ARID4A: variants seen among roughly 807,000 people sequenced by gnomAD.
ARID4A encodes the protein AT-rich interaction domain 4A.
ARID4A carries 39 observed loss-of-function variants against 148.6 expected under a neutral mutation model. The ratio of observed to expected loss-of-function variants is 0.26; its 90% CI spans 0.20 to 0.34. The LOEUF (loss-of-function observed/expected upper bound fraction) is 0.34. Among genes scored for constraint, ARID4A ranks in the 10% least tolerant of loss-of-function variants. The pLI is 1.00. For synonymous variants in ARID4A, 475 were observed against 481.2 expected (o/e 0.99, Z 0.17); for missense variants, 1,265 against 1,449.1 (o/e 0.87, Z 2.06).
At chr14:58,354,577 G>A (rs2034785772) in intron 17 of ARID4A, among the ~76,000 whole-genome samples, 1 of 151,922 alleles carries the variant, frequency 6.6e-6, no homozygotes, top group African/African-American at 2.4e-5. Flanking sequence ...CAGTTACCCA[G>A]AAGGCTGAGG....
chr14:58,313,892 A>G (rs967815372), intron 5 of ARID4A, among the ~76,000 whole-genome samples: 1 of 152,132 alleles, frequency 6.6e-6, no homozygotes, highest in African/African-American at 2.4e-5. Context: ...CCTCCGGCCA[A>G]TTGGATGGTA....
At chr14:58,358,241 A>G (rs1243182148) in intron 17 of ARID4A, among the ~76,000 whole-genome samples, 3 of 152,022 alleles carry the variant, frequency 2.0e-5, no homozygotes, top group African/African-American at 7.2e-5. Context: ...GACTGAGGTG[A>G]GCAGGTCACC....
chr14:58,366,908 A>T lies in ARID4A; in HGVS notation c.3549A>T (p.Thr1183=). 6.6e-7 allele frequency: 1 copy of T among 1,515,836 alleles called. No homozygotes were observed. Among genetic ancestry groups the T allele is most frequent in the Non-Finnish European group, 8.8e-7 (1 of 1,141,566 alleles). The allele number at this position is 1,515,836 out of a possible 1,614,324, so 93.9% of individuals were successfully genotyped here. ...QLNELDNMNS[T]ERISFLQEKL... ...ATGAATTAGATAATATGAACAGTAC[A>T]GAGAGAATCTCATTTCTCCAAGAAA... The change falls in exon 23 of 24, where the codon ACA becomes ACT. Residue 1183 remains threonine, a synonymous_variant. Coordinates refer to ENST00000355431, the MANE Select transcript of ARID4A (RefSeq NM_002892.4).
rs569350205 is a variant in ARID4A, at chr14:58,318,805, T to G, written c.449T>G (p.Val150Gly). ...TNRGRRSSLP[V>G]TEDEKEEESS... ...AGAGGAAGGAGATCTTCTCTTCCTG[T>G]GTGAGTTTTTTCATATATGGTATCA... The change falls in exon 7 of 24, where the codon GTT (valine) becomes GGT (glycine). Residue 150 changes from valine (V) to glycine (G), a missense_variant and splice_region_variant. Around this residue, in one of 9 missense-constraint regions of ARID4A, gnomAD observed 249 missense variants for 277.2 expected, o/e 0.90. Transcript: ENST00000355431. 3 of 1,609,588 alleles carry G rather than the reference T, an allele frequency of 1.9e-6. No individual in the cohort carries two copies. The Admixed American group carries it at 5.0e-5, about 27-fold the overall frequency.
chr14:58,367,770 A>G (rs987646649), intron 23 of ARID4A, among the ~76,000 whole-genome samples: 10 of 152,184 alleles, frequency 6.6e-5, no homozygotes, highest in African/African-American at 1.9e-4. Context: ...TAAAAGCCCT[A>G]AACTCAAAAG....
At chr14:58,365,689 A>G (rs2035332318) in intron 21 of ARID4A, 67 bp downstream of exon 21, 1 of 1,352,290 alleles carries the variant, frequency 7.4e-7, no homozygotes, top group Admixed American at 2.0e-5. Context: ...GGCTTGTTTT[A>G]AACATAAATG....
intron 18 of ARID4A, among the ~76,000 whole-genome samples, chr14:58,359,666 GA>G (rs2035045930): frequency 6.6e-6 from 1 of 152,110 alleles, no homozygotes; most frequent in Non-Finnish European, 1.5e-5. Context: ...GCCTTTTTGA[GA>G]ATATCATATA....
At chr14:58,300,819 AAG>A (rs1168452280) in intron 2 of ARID4A, among the ~76,000 whole-genome samples, 2 of 152,110 alleles carry the variant, frequency 1.3e-5, no homozygotes, top group Non-Finnish European at 2.9e-5. Context: ...AAAAAAAAAA[AAG>A]GTAAAATGAC....
intron 11 of ARID4A, among the ~76,000 whole-genome samples, chr14:58,336,550 C>T (rs2140207601): frequency 1.2e-5 from 1 of 83,432 alleles, no homozygotes; most frequent in South Asian, 5.6e-4. Flanking sequence ...TGCTGTTTCC[C>T]TAAGGTGTTG....
At chr14:58,301,749 A>G (rs2031187995) in intron 3 of ARID4A, 59 bp downstream of exon 3, 4 of 1,297,278 alleles carry the variant, frequency 3.1e-6, no homozygotes, top group Non-Finnish European at 4.4e-6. Flanking sequence ...ATTTGGGGAG[A>G]GAGAGACTGC....
intron 23 of ARID4A, among the ~76,000 whole-genome samples, chr14:58,369,379 A>C (rs1040413809): frequency 2.5e-4 from 38 of 152,132 alleles, no homozygotes; most frequent in African/African-American, 9.2e-4. Context: ...TAATCCCAGC[A>C]TTTTGGGAGG....
chr14:58,344,399 A>G (rs1348552895), intron 11 of ARID4A, among the ~76,000 whole-genome samples: 4 of 152,160 alleles, frequency 2.6e-5, no homozygotes, highest in African/African-American at 9.7e-5. Flanking sequence ...AAAATATATC[A>G]GGTGAGGTGA....
Position 58,366,902 on chromosome 14 carries a change from C to T in ARID4A, c.3543C>T (p.Asn1181=). 1 of 1,501,666 alleles carries T rather than the reference C, an allele frequency of 6.7e-7. No individual in the cohort carries two copies. Among genetic ancestry groups the T allele is most frequent in the Non-Finnish European group, 8.8e-7 (1 of 1,135,068 alleles). 93.0% of individuals were successfully genotyped at this position (1,501,666 alleles called of 1,614,324 possible). A position where few individuals can be genotyped will look rare whatever the true frequency, so the allele number is the denominator to read the frequency against. The part of the protein sequence containing the change: ...SFQLNELDNM[N]STERISFLQE... ...TTTTAGATGAATTAGATAATATGAA[C>T]AGTACAGAGAGAATCTCATTTCTCC... The change falls in exon 23 of 24, where the codon AAC becomes AAT. Residue 1181 remains asparagine, a synonymous_variant. Transcript: ENST00000355431.
Position 58,365,334 on chromosome 14 carries a change from A to T in ARID4A, c.3211+34A>T, listed in dbSNP as rs781685697. The T allele has an allele frequency of 1.7e-5, 26 of 1,560,104 alleles. No homozygotes were observed. The Admixed American group carries it at 2.8e-4, about 17-fold the overall frequency. ...TTTCTAGGGAAAAGTAAGTGTTTAT[A>T]TGAAACCAAAAATCAAAACTGTTGA... On this transcript the variant is annotated intron_variant, in intron 20 of 23. Transcript: ENST00000355431.
At chr14:58,302,832 C>T (rs969196821) in intron 3 of ARID4A, among the ~76,000 whole-genome samples, 5 of 152,158 alleles carry the variant, frequency 3.3e-5, no homozygotes, top group Admixed American at 6.5e-5. Flanking sequence ...TGGTGGCAGG[C>T]ACCTGTGGTC....
intron 11 of ARID4A, among the ~76,000 whole-genome samples, chr14:58,341,933 A>G (rs1362400710): frequency 6.6e-6 from 1 of 152,204 alleles, no homozygotes; most frequent in Non-Finnish European, 1.5e-5. Context: ...TCCCATTCTT[A>G]TAACCCTCTC....
intron 7 of ARID4A, among the ~76,000 whole-genome samples, chr14:58,321,088 C>T (rs1006152520): frequency 1.3e-5 from 2 of 152,150 alleles, no homozygotes; most frequent in Non-Finnish European, 2.9e-5. Flanking sequence ...GTGATACTAA[C>T]TTTGATTAAG....
At chr14:58,309,178 C>G (rs1035284219) in intron 5 of ARID4A, among the ~76,000 whole-genome samples, 1 of 152,096 alleles carries the variant, frequency 6.6e-6, no homozygotes, top group African/African-American at 2.4e-5. Context: ...TTCAGTAGCA[C>G]TATTGTAGCT....
chr14:58,353,964 C>G (rs2034754190), intron 17 of ARID4A, 109 bp downstream of exon 17: 2 of 996,474 alleles, frequency 2.0e-6, no homozygotes, highest in Non-Finnish European at 2.9e-6. Flanking sequence ...ATTTACAAAG[C>G]ACACCTTGGT....
Sources: allele counts gnomAD v4.1 joint callset (sites outside exome capture counted in the v4.1 genomes callset), GRCh38; gene constraint gnomAD v4.1.1; regional missense constraint gnomAD v4.1.1; transcripts MANE v1.5; gene names NCBI Gene and HGNC (gene_info 2026-07-23, HGNC 2026-07-21).